CTDSPL: variants seen among roughly 807,000 people sequenced by gnomAD.
CTDSPL encodes the protein CTD small phosphatase-like protein.
CTDSPL carries 8 observed loss-of-function variants against 30.5 expected under a neutral mutation model. The observed-to-expected ratio is 0.26, with a 90% CI of 0.15 to 0.47. The LOEUF is 0.47. CTDSPL is among the 20% of genes least tolerant of loss of function. CTDSPL has a pLI of 0.99. For missense variants in CTDSPL, 248 were observed against 366.1 expected (o/e 0.68, Z 2.63); for synonymous variants, 110 against 137.9 (o/e 0.80, Z 1.42).
At chr3:37,948,861 C>T (rs1187518166) in intron 2 of CTDSPL, among the ~76,000 whole-genome samples, 34 of 138,716 alleles carry the variant, frequency 2.5e-4, no homozygotes, top group African/African-American at 7.5e-4. Flanking sequence ...TCGCCCAGGC[C>T]GGACTGCGGA....
intron 2 of CTDSPL, chr3:37,954,370 A>T (rs1221206426): frequency 6.6e-6 from 1 of 152,258 alleles, no homozygotes; most frequent in Non-Finnish European, 1.5e-5. Flanking sequence ...ACACTTGACT[A>T]GTCAATCTGG....
chr3:37,875,818 T>TG (rs2125590153), intron 1 of CTDSPL, among the ~76,000 whole-genome samples: 1 of 152,382 alleles, frequency 6.6e-6, no homozygotes, highest in African/African-American at 2.4e-5. Context: ...AATCGTGAAA[T>TG]AAGTATAAAA....
rs534367073 is a variant in CTDSPL, at chr3:37,982,861, G to C, written c.*1994G>C. On this transcript the variant is annotated 3_prime_UTR_variant, in exon 8 of 8. Coordinates refer to ENST00000273179, the MANE Select transcript of CTDSPL (RefSeq NM_001008392.2). ...TCTTGAATGTTGCAGTCAAGTGTCT[G>C]TCATGTGTTGATATCCACACAGAAT... 3 of 351,624 alleles carry C rather than the reference G, an allele frequency of 8.5e-6. No homozygotes were observed. The East Asian group carries it at 2.3e-4, about 26-fold the overall frequency. 21.8% of individuals were successfully genotyped at this position (351,624 alleles called of 1,614,324 possible).
intron 1 of CTDSPL, among the ~76,000 whole-genome samples, chr3:37,918,622 TATG>T (rs1698676504): frequency 6.6e-6 from 1 of 152,224 alleles, no homozygotes; most frequent in Admixed American, 6.5e-5. Flanking sequence ...CTTGATTTAA[TATG>T]ATAACAGACT....
Position 37,861,999 on chromosome 3 carries a change from C to A in CTDSPL, c.-201C>A. ...TCATGGTGACGAGGCGGCGGCCGCT[C>A]GAGCCCAGCGGCGGCGGCGGCGGGA... On this transcript the variant is annotated 5_prime_UTR_variant, in exon 1 of 8. Transcript: ENST00000273179. 6.9e-6 allele frequency: 1 copy of A among 145,896 alleles called. No homozygotes were observed. The highest frequency in any genetic ancestry group is 2.0e-4 in the South Asian group (1 of 5,064). 9.0% of individuals were successfully genotyped at this position (145,896 alleles called of 1,614,324 possible). A position where few individuals can be genotyped will look rare whatever the true frequency, so the allele number is the denominator to read the frequency against.
chr3:37,887,713 G>T (rs928759852), intron 1 of CTDSPL, among the ~76,000 whole-genome samples: 2 of 152,130 alleles, frequency 1.3e-5, no homozygotes, highest in African/African-American at 4.8e-5. Flanking sequence ...GAAAACTGGG[G>T]TGAAATACTT....
chr3:37,934,847 A>C (rs1698896789), intron 1 of CTDSPL, among the ~76,000 whole-genome samples: 1 of 152,228 alleles, frequency 6.6e-6, no homozygotes, highest in Non-Finnish European at 1.5e-5. Flanking sequence ...TCATTCACTC[A>C]GTAAACATCT....
intron 6 of CTDSPL, 55 bp downstream of exon 6, chr3:37,971,554 C>T: frequency 6.7e-7 from 1 of 1,486,706 alleles, no homozygotes; most frequent in Non-Finnish European, 9.3e-7. Context: ...AGCCCCTCCA[C>T]CCCTACCCCC....
At chr3:37,881,828 G>A (rs1238184405) in intron 1 of CTDSPL, among the ~76,000 whole-genome samples, 1 of 152,200 alleles carries the variant, frequency 6.6e-6, no homozygotes, top group Non-Finnish European at 1.5e-5. Flanking sequence ...TATTTTTGGA[G>A]AGAGAGGAAA....
At chr3:37,903,227 A>C (rs1490119642) in intron 1 of CTDSPL, among the ~76,000 whole-genome samples, 2 of 152,234 alleles carry the variant, frequency 1.3e-5, no homozygotes, top group Non-Finnish European at 1.5e-5. Flanking sequence ...TTCCTGAGGC[A>C]GACTTTGTTG....
Position 37,980,879 on chromosome 3 carries a change from G to C in CTDSPL, c.*12G>C, listed in dbSNP as rs762824395. The C allele has an allele frequency of 8.1e-6, 13 of 1,612,546 alleles. No individual in the cohort carries two copies. Among genetic ancestry groups the C allele is most frequent in the African/African-American group, 4.0e-5 (3 of 74,902 alleles). On this transcript the variant is annotated 3_prime_UTR_variant, in exon 8 of 8. Coordinates refer to ENST00000273179, the MANE Select transcript of CTDSPL (RefSeq NM_001008392.2). ...TCTGCAATAGGTAGCCCTGGCCTCT[G>C]CCTGCCTCCCGCCTGTGCACTCTGG...
rs1370381490 is a variant in CTDSPL, at chr3:37,862,165, G to T, written c.-35G>T. On this transcript the variant is annotated 5_prime_UTR_variant, in exon 1 of 8. Transcript: ENST00000273179. This position sits in a 1 kb window ranked among gnomAD's most constrained non-coding sequence, Gnocchi z 4.3. The stretch of plus-strand genomic sequence containing the variant: ...CCCCCGCGCGCTTGGCTTGCGGGGG[G>T]CCGGGCCTGCGGGCGGCCGCCGCGC... 1.1e-5 allele frequency: 12 copies of T among 1,050,406 alleles called. No homozygotes were observed. The highest frequency in any genetic ancestry group is 1.4e-5 in the Non-Finnish European group (12 of 870,602). 65.1% of individuals were successfully genotyped at this position (1,050,406 alleles called of 1,614,324 possible). A position where few individuals can be genotyped will look rare whatever the true frequency, so the allele number is the denominator to read the frequency against.
At chr3:37,933,402 A>G (rs559058535) in intron 1 of CTDSPL, among the ~76,000 whole-genome samples, 2 of 152,272 alleles carry the variant, frequency 1.3e-5, no homozygotes, top group African/African-American at 2.4e-5. Flanking sequence ...CTTTACCCAT[A>G]TAAGATTGTA....
chr3:37,891,625 G>A (rs536911539), intron 1 of CTDSPL, among the ~76,000 whole-genome samples: 1 of 152,310 alleles, frequency 6.6e-6, no homozygotes, highest in East Asian at 1.9e-4. Flanking sequence ...ACCTGTTAAT[G>A]GAAGCATTTT....
At chr3:37,889,388 A>T (rs1698298800) in intron 1 of CTDSPL, among the ~76,000 whole-genome samples, 1 of 152,236 alleles carries the variant, frequency 6.6e-6, no homozygotes, top group South Asian at 2.1e-4. Context: ...TAAAAATATC[A>T]CTAACTAAAC....
chr3:37,888,683 C>T (rs1476126476), intron 1 of CTDSPL, among the ~76,000 whole-genome samples: 1 of 152,222 alleles, frequency 6.6e-6, no homozygotes, highest in Non-Finnish European at 1.5e-5. Flanking sequence ...TAACATAATG[C>T]TCAGACTTTT....
chr3:37,924,161 C>T (rs749583431), intron 1 of CTDSPL, among the ~76,000 whole-genome samples: 5 of 152,182 alleles, frequency 3.3e-5, no homozygotes, highest in Non-Finnish European at 7.3e-5. Context: ...ATAAGAATTC[C>T]GTTTATGATG....
chr3:37,876,389 C>T lies in CTDSPL; in HGVS notation c.79+14111C>T, dbSNP rs145816753. ...TCAAGATAGAGAGTATTTCCATCACCCCCAAAATATTATCTGTGGTGGTAC... is the reference window on the plus strand; with the variant it reads ...TCAAGATAGAGAGTATTTCCATCACTCCCAAAATATTATCTGTGGTGGTAC... On this transcript the variant is annotated intron_variant, in intron 1 of 7. Transcript: ENST00000273179. Among the ~76,000 whole-genome samples, 51 of 152,282 alleles carry T rather than the reference C, an allele frequency of 3.3e-4. 1 individual carries two copies. The highest frequency in any genetic ancestry group is 1.1e-3 in the Admixed American group (17 of 15,300).
At chr3:37,890,194 G>T (rs1483780949) in intron 1 of CTDSPL, among the ~76,000 whole-genome samples, 1 of 152,150 alleles carries the variant, frequency 6.6e-6, no homozygotes, top group East Asian at 1.9e-4. Context: ...CAACGTATGC[G>T]CGCACACCCA....
Sources: gnomAD v4.1 joint callset for allele counts (sites outside exome capture counted in the v4.1 genomes callset) on GRCh38, gnomAD v4.1.1 for gene constraint, Gnocchi (gnomAD v3.1) non-coding constraint, MANE v1.5 for transcripts, NCBI Gene and HGNC (gene_info 2026-07-23, HGNC 2026-07-21) for gene names.